The following ALK variants were observed in gnomAD, a reference collection of about 807,000 sequenced individuals.
ALK encodes ALK receptor tyrosine kinase.
In ALK, 74 loss-of-function variants were observed where a neutral mutation model predicts 163.1. The observed-to-expected ratio is 0.45, with a 90% confidence interval of 0.38 to 0.55. The LOEUF (loss-of-function observed/expected upper bound fraction) is 0.55, where lower values mean the gene tolerates loss of function less well. Ranked by LOEUF, ALK falls within the 20% of genes least tolerant of loss-of-function variation. The probability of loss-of-function intolerance (pLI) is 0.00; values close to 1 mark genes in which losing one functional copy is unlikely to be tolerated. For synonymous variants in ALK, 960 were observed against 843.2 expected (o/e 1.14, Z -2.40); for missense variants, 2,063 against 2,105.3 (o/e 0.98, Z 0.39).
chr2:29,392,007 T>C (rs1669187051), intron 4 of ALK, among the ~76,000 whole-genome samples: 1 of 151,354 alleles, frequency 6.6e-6, no homozygotes, highest in Admixed American at 6.6e-5. Flanking sequence ...TTGCACTCAA[T>C]AAGCATTAGC....
chr2:29,718,825 C>A (rs1679340777), intron 1 of ALK, among the ~76,000 whole-genome samples: 1 of 152,110 alleles, frequency 6.6e-6, no homozygotes, highest in Admixed American at 6.5e-5. Flanking sequence ...AACTGTTAAC[C>A]CACTTGGAGG....
intron 4 of ALK, among the ~76,000 whole-genome samples, chr2:29,384,465 G>A (rs1181161673): frequency 2.6e-5 from 4 of 152,176 alleles, no homozygotes; most frequent in Non-Finnish European, 5.9e-5. Context: ...GAAAAAGATG[G>A]AAGCAGGTGA....
At chr2:29,907,424 A>C (rs996013204) in intron 1 of ALK, among the ~76,000 whole-genome samples, 1 of 152,088 alleles carries the variant, frequency 6.6e-6, no homozygotes, top group Non-Finnish European at 1.5e-5. Context: ...CTATTTCTTC[A>C]GCACTCTCTC....
chr2:29,819,847 C>A (rs1664998822), intron 1 of ALK, among the ~76,000 whole-genome samples: 1 of 152,300 alleles, frequency 6.6e-6, no homozygotes, highest in Non-Finnish European at 1.5e-5. Flanking sequence ...TCCACATTCC[C>A]CAATCCATGA....
At chr2:29,622,206 C>G (rs375845957) in intron 3 of ALK, among the ~76,000 whole-genome samples, 3 of 152,182 alleles carry the variant, frequency 2.0e-5, no homozygotes, top group African/African-American at 7.2e-5. Flanking sequence ...ATTATTAAAA[C>G]TTACCAATCA....
In ALK at chr2:29,666,687, C is replaced by T. The variant is rs58734430; in HGVS notation, c.952+28163G>A. Among the ~76,000 whole-genome samples, 19 of 152,160 alleles carry T rather than the reference C, an allele frequency of 1.2e-4. No homozygotes were observed. The East Asian group carries it at 3.3e-3, about 26-fold the overall frequency. On this transcript the variant is annotated intron_variant, in intron 3 of 28. Coordinates refer to ENST00000389048, the MANE Select transcript of ALK (RefSeq NM_004304.5). The stretch of plus-strand genomic sequence containing the variant: ...AGCATGCCATTAACTAGCCATGTGA[C>T]TTTAAGCAAGTAACTTATTCTTTTA...
intron 23 of ALK, among the ~76,000 whole-genome samples, chr2:29,217,843 AT>A (rs1669683169): frequency 6.6e-6 from 1 of 151,040 alleles, no homozygotes; most frequent in Non-Finnish European, 1.5e-5. Context: ...AAGTTTCAGA[AT>A]CTGGAGGCAC....
At chr2:29,206,276 T>TTCCC (rs1325250925) in intron 26 of ALK, among the ~76,000 whole-genome samples, 92 of 148,870 alleles carry the variant, frequency 6.2e-4, no homozygotes, top group African/African-American at 2.2e-3. Context: ...CTCTCTCTCG[T>TTCCC]TCCCTCCCTC....
chr2:29,717,848 T>C, intron 1 of ALK, 151 bp from the exon 2 acceptor site: 1 of 919,916 alleles, frequency 1.1e-6, no homozygotes, highest in South Asian at 1.4e-5. Context: ...ACCAGTAGAC[T>C]GAGTTGACCT....
chr2:29,471,625 G>A (rs1671348959), intron 4 of ALK, among the ~76,000 whole-genome samples: 1 of 152,228 alleles, frequency 6.6e-6, no homozygotes, highest in Admixed American at 6.5e-5. Flanking sequence ...AGGAATAGCA[G>A]TTGTGGCAGA....
At chr2:29,329,039 C>T (rs1194973504) in intron 5 of ALK, among the ~76,000 whole-genome samples, 1 of 152,152 alleles carries the variant, frequency 6.6e-6, no homozygotes, top group Non-Finnish European at 1.5e-5. Context: ...GACTTGGATC[C>T]TCCTGCCTGG....
intron 1 of ALK, among the ~76,000 whole-genome samples, chr2:29,757,323 C>T (rs1680563543): frequency 6.6e-6 from 1 of 152,168 alleles, no homozygotes; most frequent in African/African-American, 2.4e-5. Flanking sequence ...CCCTAGAGGA[C>T]ACCATCACCC....
chr2:29,860,872 T>C (rs1340075638), intron 1 of ALK, among the ~76,000 whole-genome samples: 1 of 152,188 alleles, frequency 6.6e-6, no homozygotes, highest in Non-Finnish European at 1.5e-5. Context: ...CAAAGGCGAT[T>C]ATAAAAGGTA....
At chr2:29,675,487 C>T (rs1677844833) in intron 3 of ALK, among the ~76,000 whole-genome samples, 1 of 152,012 alleles carries the variant, frequency 6.6e-6, no homozygotes, top group Non-Finnish European at 1.5e-5. Context: ...CCAACCTTCC[C>T]TACCAGCAAA....
In ALK at chr2:29,232,349, T is replaced by A; in HGVS notation, c.2587A>T (p.Asn863Tyr). The change falls in exon 15 of 29, where the codon AAT becomes TAT. Residue 863 changes from asparagine to tyrosine, a missense_variant. Asn to Tyr is a moderately radical substitution (Grantham distance 143). This residue lies in a region of ALK where 575 missense variants were observed against 626.6 expected (regional missense o/e 0.92). Coordinates refer to ENST00000389048, the MANE Select transcript of ALK (RefSeq NM_004304.5). Reference protein sequence around the residue: ...TDTFHPERLENNSSVLGLNGN... With the variant: ...TDTFHPERLEYNSSVLGLNGN... ...TTTAGCCCTAGAACCGAGGAGTTAT[T>A]CTCCAGTCTCTCTGGGTGGAACGTG... 1 of 1,614,252 alleles carries A rather than the reference T, an allele frequency of 6.2e-7. No individual in the cohort carries two copies. Among genetic ancestry groups the A allele is most frequent in the Non-Finnish European group, 8.5e-7 (1 of 1,180,048 alleles).
intron 1 of ALK, among the ~76,000 whole-genome samples, chr2:29,798,273 T>A (rs943516124): frequency 2.0e-5 from 3 of 152,338 alleles, no homozygotes; most frequent in African/African-American, 7.2e-5. Context: ...ATTAAATTGG[T>A]ATCATCACCA....
At chr2:29,610,065 T>G (rs1675648552) in intron 3 of ALK, among the ~76,000 whole-genome samples, 6 of 152,234 alleles carry the variant, frequency 3.9e-5, no homozygotes, top group Admixed American at 3.3e-4. Context: ...TTCACTTAAT[T>G]ATCAGGTCTT....
chr2:29,610,683 T>C (rs1321372802), intron 3 of ALK, among the ~76,000 whole-genome samples: 2 of 152,176 alleles, frequency 1.3e-5, no homozygotes, highest in African/African-American at 4.8e-5. Context: ...ATCTATTAAT[T>C]GTCCTGTGAA....
intron 3 of ALK, among the ~76,000 whole-genome samples, chr2:29,611,157 G>A (rs1265717676): frequency 6.6e-6 from 1 of 152,156 alleles, no homozygotes; most frequent in Non-Finnish European, 1.5e-5. Context: ...CCATGCTGAA[G>A]TCACCAGGGA....
Sources: gnomAD v4.1 joint callset for allele counts (sites outside exome capture counted in the v4.1 genomes callset) on GRCh38, gnomAD v4.1.1 for gene constraint, gnomAD v4.1.1 regional missense constraint, MANE v1.5 for transcripts, NCBI Gene and HGNC (gene_info 2026-07-23, HGNC 2026-07-21) for gene names.